ZNF638: variants seen among roughly 807,000 people sequenced by gnomAD.
ZNF638 encodes the protein zinc finger protein 638, also known as CTCL tumor antigen se33-1.
Under a neutral mutation model 195.6 loss-of-function variants are expected in ZNF638, and 46 were observed. The observed-to-expected ratio is 0.24, with a 90% CI of 0.19 to 0.30. The LOEUF (loss-of-function observed/expected upper bound fraction) is 0.30, where lower values mean the gene tolerates loss of function less well. ZNF638 is among the 10% of genes least tolerant of loss of function. The pLI is 1.00. For missense variants in ZNF638, 2,440 were observed against 2,325.3 expected, an observed-to-expected ratio of 1.05 and a Z score of -1.01; for synonymous variants, 845 against 772.0, an observed-to-expected ratio of 1.09 and a Z score of -1.57.
In ZNF638 at chr2:71,426,689, A is replaced by G. The variant is rs1400486779; in HGVS notation, c.4820A>G (p.Glu1607Gly). Residue 1607 changes from glutamate (E) to glycine (G), a missense_variant, in exon 24 of 28, where the codon GAG becomes GGG. This residue lies in a region of ZNF638 where 1,883 missense variants were observed against 1,739.1 expected (regional missense o/e 1.08). Transcript: ENST00000264447. ...SFVTLDEIGE[E>G]EDAAAHLAQA... ...GTGACATTGGATGAGATTGGGGAAG[A>G]GGAAGATGCAGCTGCACATCTAGCA... 1.9e-6 allele frequency: 3 copies of G among 1,614,236 alleles called. No individual in the cohort carries two copies. Among genetic ancestry groups the G allele is most frequent in the Non-Finnish European group, 2.5e-6 (3 of 1,180,030 alleles).
chr2:71,373,444 T>TC (rs2079355304), intron 8 of ZNF638, among the ~76,000 whole-genome samples: 1 of 133,932 alleles, frequency 7.5e-6, no homozygotes, highest in African/African-American at 2.9e-5. Flanking sequence ...TGAATTTTTT[T>TC]TTTTTTTTTT....
chr2:71,373,300 T>C (rs1259551248), intron 8 of ZNF638, among the ~76,000 whole-genome samples: 1 of 74,222 alleles, frequency 1.3e-5, no homozygotes, highest in Non-Finnish European at 2.4e-5. Context: ...TCCTATTTTA[T>C]TATTGTTGTC....
rs1366770698 is a variant in ZNF638, at chr2:71,434,811, G to T, written c.*4G>T. On this transcript the variant is annotated 3_prime_UTR_variant, in exon 28 of 28. Transcript: ENST00000264447. ...TGAAGAAAGAAGCTCTAGGTGATTGGGGGAAAGGAAAGAATTCACTAGAAA... is the reference window on the plus strand; with the variant it reads ...TGAAGAAAGAAGCTCTAGGTGATTGTGGGAAAGGAAAGAATTCACTAGAAA... 4 of 1,596,014 alleles carry T rather than the reference G, an allele frequency of 2.5e-6. No homozygotes were observed. The highest frequency in any genetic ancestry group is 3.4e-6 in the Non-Finnish European group (4 of 1,173,968).
intron 2 of ZNF638, among the ~76,000 whole-genome samples, chr2:71,352,747 T>C (rs928184289): frequency 6.6e-6 from 1 of 152,168 alleles, no homozygotes; most frequent in African/African-American, 2.4e-5. Flanking sequence ...GAGATCTGAC[T>C]GAAGTATGCA....
intron 16 of ZNF638, among the ~76,000 whole-genome samples, chr2:71,402,553 C>G (rs998947296): frequency 2.0e-5 from 3 of 151,978 alleles, no homozygotes; most frequent in African/African-American, 7.2e-5. Flanking sequence ...GTATTTCATA[C>G]TCTTTCTGCT....
chr2:71,389,161 C>G (rs547157181), intron 10 of ZNF638, among the ~76,000 whole-genome samples: 1 of 152,022 alleles, frequency 6.6e-6, no homozygotes, highest in Non-Finnish European at 1.5e-5. Flanking sequence ...GGTAAAGATA[C>G]CAAAGAGGAA....
intron 3 of ZNF638, among the ~76,000 whole-genome samples, chr2:71,360,114 C>A (rs1558840849): frequency 6.6e-6 from 1 of 152,168 alleles, no homozygotes; most frequent in Non-Finnish European, 1.5e-5. Context: ...TAGTTTAGCT[C>A]ATGGGCCTTT....
chr2:71,346,380 G>C (rs1382153154), intron 1 of ZNF638, among the ~76,000 whole-genome samples: 1 of 152,176 alleles, frequency 6.6e-6, no homozygotes, highest in Non-Finnish European at 1.5e-5. Flanking sequence ...AAGACCGTGA[G>C]TTTGTTACAA....
intron 1 of ZNF638, among the ~76,000 whole-genome samples, chr2:71,343,464 C>G (rs2078798271): frequency 6.6e-6 from 1 of 152,148 alleles, no homozygotes; most frequent in African/African-American, 2.4e-5. Context: ...TACTGTCATT[C>G]CCAATTAAAT....
chr2:71,397,320 C>A (rs1179287781), intron 11 of ZNF638, among the ~76,000 whole-genome samples: 1 of 152,136 alleles, frequency 6.6e-6, no homozygotes, highest in Non-Finnish European at 1.5e-5. Flanking sequence ...AAAGAAATAT[C>A]TTAAGGGCTC....
At chr2:71,381,140 G>T (rs1186069975) in intron 10 of ZNF638, among the ~76,000 whole-genome samples, 1 of 152,060 alleles carries the variant, frequency 6.6e-6, no homozygotes, top group Non-Finnish European at 1.5e-5. Context: ...CTAGAAAGGT[G>T]GAAAGTTTTG....
chr2:71,430,764 A>T (rs1034460799), intron 25 of ZNF638, among the ~76,000 whole-genome samples: 1 of 152,200 alleles, frequency 6.6e-6, no homozygotes, highest in African/African-American at 2.4e-5. Context: ...AATTGCTTGG[A>T]ATCAGTCTTC....
chr2:71,393,666 G>C, intron 10 of ZNF638: 1 of 716,032 alleles, frequency 1.4e-6, no homozygotes. Context: ...ACTCACGTAG[G>C]ATCCTTTTTA....
chr2:71,393,650 G>C (rs1344323222), intron 10 of ZNF638: 1 of 717,626 alleles, frequency 1.4e-6, no homozygotes, highest in Admixed American at 2.0e-5. Flanking sequence ...TCTGGTGTAA[G>C]TTACAACTCA....
intron 1 of ZNF638, among the ~76,000 whole-genome samples, chr2:71,335,915 C>A (rs2078658470): frequency 6.6e-6 from 1 of 152,214 alleles, no homozygotes; most frequent in South Asian, 2.1e-4. Context: ...GTTCATAATT[C>A]ATTTATAATT....
intron 1 of ZNF638, among the ~76,000 whole-genome samples, chr2:71,336,783 G>C (rs2078678620): frequency 6.6e-6 from 1 of 152,164 alleles, no homozygotes; most frequent in Admixed American, 6.5e-5. Flanking sequence ...GGGTAACATT[G>C]TTAGCAAGCA....
chr2:71,434,204 C>G (rs1056468515), intron 27 of ZNF638, among the ~76,000 whole-genome samples: 6 of 152,156 alleles, frequency 3.9e-5, no homozygotes, highest in African/African-American at 7.2e-5. Flanking sequence ...TTTTCTGGCT[C>G]TCTCTGTTCT....
At chr2:71,367,607 T>C (rs532881826) in intron 6 of ZNF638, among the ~76,000 whole-genome samples, 68 of 151,638 alleles carry the variant, frequency 4.5e-4, no homozygotes, top group East Asian at 3.3e-3. Flanking sequence ...GCCTGGCTAA[T>C]TTTTTTTATT....
rs532918141 is a variant in ZNF638, at chr2:71,398,865, T to C, written c.2500+93T>C. 48 of 1,116,750 alleles carry C rather than the reference T, an allele frequency of 4.3e-5. No individual in the cohort carries two copies. The African/African-American group carries it at 6.8e-4, about 16-fold the overall frequency. 69.2% of individuals were successfully genotyped at this position (1,116,750 alleles called of 1,614,324 possible). On this transcript the variant is annotated intron_variant, in intron 12 of 27. Coordinates refer to ENST00000264447, the MANE Select transcript of ZNF638 (RefSeq NM_014497.5). ...TTTTTAGCATCTAATACTTGAAGAG[T>C]TTAGTAGATATTTCCTTGATATTTA...
Sources: gnomAD v4.1 joint callset for allele counts (sites outside exome capture counted in the v4.1 genomes callset) on GRCh38, gnomAD v4.1.1 for gene constraint, gnomAD v4.1.1 regional missense constraint, MANE v1.5 for transcripts, NCBI Gene and HGNC (gene_info 2026-07-23, HGNC 2026-07-21) for gene names.